The following KPNA5 variants were observed in gnomAD, a reference collection of about 807,000 sequenced individuals.
KPNA5 encodes the protein karyopherin subunit alpha 5, also known as importin subunit alpha-6.
In KPNA5, 46 loss-of-function variants were observed where a neutral mutation model predicts 71.3. That is an observed-to-expected ratio of 0.65 (90% confidence interval 0.51 to 0.83). The LOEUF is 0.83. KPNA5 is among the 40% of genes least tolerant of loss of function. The probability of loss-of-function intolerance (pLI) is 0.00; values close to 1 mark genes in which losing one functional copy is unlikely to be tolerated. For synonymous variants in KPNA5, 207 were observed against 201.4 expected (o/e 1.03, Z -0.24); for missense variants, 547 against 628.3 (o/e 0.87, Z 1.38).
At chr6:116,702,561 C>A (rs1778270227) in intron 6 of KPNA5, among the ~76,000 whole-genome samples, 1 of 152,120 alleles carries the variant, frequency 6.6e-6, no homozygotes, top group South Asian at 2.1e-4. Flanking sequence ...CACAGCTCCT[C>A]AAGAAGCTGA....
intron 4 of KPNA5, among the ~76,000 whole-genome samples, chr6:116,694,973 A>G (rs1014814949): frequency 4.6e-5 from 7 of 151,990 alleles, no homozygotes; most frequent in African/African-American, 1.7e-4. Context: ...TTTTTGAGAC[A>G]ACATCTCACT....
intron 8 of KPNA5, 100 bp from the exon 9 acceptor site, chr6:116,722,026 A>C: frequency 1.2e-6 from 1 of 826,460 alleles, no homozygotes; most frequent in Non-Finnish European, 1.8e-6. Flanking sequence ...GTATTTTTAT[A>C]ACATTAAATT....
intron 4 of KPNA5, among the ~76,000 whole-genome samples, chr6:116,694,954 T>C (rs1004721246): frequency 6.6e-6 from 1 of 152,086 alleles, no homozygotes; most frequent in Non-Finnish European, 1.5e-5. Context: ...ACAATTCTCT[T>C]TTTCTTTTTT....
chr6:116,729,727 T>C lies in KPNA5; in HGVS notation c.1418T>C (p.Ile473Thr), dbSNP rs74502521. 9.1e-5 allele frequency: 140 copies of C among 1,544,176 alleles called. No homozygotes were observed. The African/African-American group carries it at 1.4e-3, about 16-fold the overall frequency. The change falls in exon 13 of 14, where the codon ATT becomes ACT. Residue 473 changes from isoleucine (I) to threonine (T), a missense_variant. By Grantham distance (89) the Ile-to-Thr change is moderately conservative. Transcript: ENST00000368564. Reference protein sequence around the residue: ...GIGINPYCALIEEAYGLDKIE... With the variant: ...GIGINPYCALTEEAYGLDKIE... ...GGCATTAATCCATACTGTGCTCTCA[T>C]TGAAGAAGCATATGGTAAGCAATCA...
intron 1 of KPNA5, 135 bp from the exon 2 acceptor site, chr6:116,689,185 T>C: frequency 1.2e-6 from 1 of 824,934 alleles, no homozygotes; most frequent in South Asian, 1.7e-5. Context: ...AATGTATTCT[T>C]TGTACATAAT....
chr6:116,722,174 C>CCAGTTAG lies in KPNA5; in HGVS notation c.808_809insTTAGCAG (p.Asp270ValfsTer21). The CCAGTTAG allele has an allele frequency of 6.2e-7, 1 of 1,612,136 alleles. No individual in the cohort carries two copies. The highest frequency in any genetic ancestry group is 1.3e-5 in the African/African-American group (1 of 74,952). On this transcript the variant is annotated frameshift_variant, in exon 9 of 14. Coordinates refer to ENST00000368564, the MANE Select transcript of KPNA5 (RefSeq NM_001366306.2). LOFTEE classifies it high-confidence loss of function. ...GTCACGACTGTTGTTTAGCAGTGAC[C>CCAGTTAG]CAGATGTGTTAGCAGACGTGTGTTG...
At chr6:116,720,514 C>T (rs1301659129) in intron 8 of KPNA5, among the ~76,000 whole-genome samples, 2 of 151,936 alleles carry the variant, frequency 1.3e-5, no homozygotes, top group African/African-American at 4.8e-5. Flanking sequence ...AGGTATATGT[C>T]AGCTATATTA....
At chr6:116,705,181 A>G (rs759035496) in intron 7 of KPNA5, 21 bp downstream of exon 7, 1 of 1,520,910 alleles carries the variant, frequency 6.6e-7, no homozygotes, top group Non-Finnish European at 9.1e-7. Flanking sequence ...TATCACAATT[A>G]AGTATATATC....
intron 7 of KPNA5, among the ~76,000 whole-genome samples, chr6:116,708,693 A>T (rs1778538762): frequency 6.6e-6 from 1 of 152,198 alleles, no homozygotes; most frequent in African/African-American, 2.4e-5. Flanking sequence ...TTTTATTCAA[A>T]TGTAAATGAA....
chr6:116,704,951 T>C, intron 6 of KPNA5, 121 bp from the exon 7 acceptor site: 3 of 621,542 alleles, frequency 4.8e-6, no homozygotes, highest in Non-Finnish European at 5.5e-6. Flanking sequence ...TTTTCTTTTC[T>C]ACTGTTTTTT....
In KPNA5 at chr6:116,681,406, T is replaced by G. The variant is rs893573227; in HGVS notation, c.4+68T>G. ...TTTGGTCCCTTTGGGAACTACTAGT[T>G]CCTGGGGCCACGGTTTTTATTTACC... On this transcript the variant is annotated intron_variant, in intron 1 of 13. Transcript: ENST00000368564. 3.4e-6 allele frequency: 5 copies of G among 1,486,576 alleles called. No homozygotes were observed. The Admixed American group carries it at 1.2e-4, about 36-fold the overall frequency. The allele number at this position is 1,486,576 out of a possible 1,614,324, so 92.1% of individuals were successfully genotyped here. A position where few individuals can be genotyped will look rare whatever the true frequency, so the allele number is the denominator to read the frequency against.
chr6:116,699,022 C>G (rs1034101502), intron 5 of KPNA5, among the ~76,000 whole-genome samples: 6 of 151,954 alleles, frequency 3.9e-5, no homozygotes, highest in African/African-American at 1.4e-4. Flanking sequence ...TATATAAAAT[C>G]ATTACTAATG....
At chr6:116,699,396 A>G (rs573587372) in intron 5 of KPNA5, among the ~76,000 whole-genome samples, 21 of 152,292 alleles carry the variant, frequency 1.4e-4, no homozygotes, top group African/African-American at 2.6e-4. Flanking sequence ...ATTGCTATGC[A>G]TATTCTTAAG....
intron 1 of KPNA5, among the ~76,000 whole-genome samples, chr6:116,682,362 C>G (rs1347317607): frequency 1.4e-5 from 2 of 145,278 alleles, no homozygotes. Flanking sequence ...CTGGCATTTA[C>G]TTTTGAGCTT....
At chr6:116,702,667 CA>C (rs905942604) in intron 6 of KPNA5, among the ~76,000 whole-genome samples, 3 of 150,648 alleles carry the variant, frequency 2.0e-5, no homozygotes, top group East Asian at 1.9e-4. Flanking sequence ...AGATTTGTTT[CA>C]AAAAAAAAGT....
chr6:116,730,455 A>G (rs1478634899), intron 13 of KPNA5, among the ~76,000 whole-genome samples: 1 of 152,120 alleles, frequency 6.6e-6, no homozygotes, highest in Non-Finnish European at 1.5e-5. Context: ...GTTGTTGACC[A>G]TTAGTTTGTT....
At chr6:116,715,621 T>C (rs1306590509) in intron 7 of KPNA5, among the ~76,000 whole-genome samples, 2 of 152,104 alleles carry the variant, frequency 1.3e-5, no homozygotes, top group Non-Finnish European at 2.9e-5. Context: ...TTTTCATGAT[T>C]AAAGAAATTA....
chr6:116,688,794 C>T (rs1028069726), intron 1 of KPNA5, among the ~76,000 whole-genome samples: 5 of 152,120 alleles, frequency 3.3e-5, no homozygotes, highest in Admixed American at 6.6e-5. Flanking sequence ...ACCCTTGTGG[C>T]CATAGCTCTT....
At chr6:116,708,778 T>G (rs1051461456) in intron 7 of KPNA5, among the ~76,000 whole-genome samples, 3 of 152,128 alleles carry the variant, frequency 2.0e-5, no homozygotes, top group Non-Finnish European at 4.4e-5. Context: ...TTTTGTGTGT[T>G]GATTATTTAT....
Sources: gnomAD v4.1 joint callset for allele counts (sites outside exome capture counted in the v4.1 genomes callset) on GRCh38, gnomAD v4.1.1 for gene constraint, MANE v1.5 for transcripts, NCBI Gene and HGNC (gene_info 2026-07-23, HGNC 2026-07-21) for gene names.